NPAS3: variants seen among roughly 807,000 people sequenced by gnomAD.
The protein encoded by NPAS3 is neuronal PAS domain protein 3, also known as neuronal PAS domain-containing protein 3.
A neutral mutation model predicts 73.1 loss-of-function variants in NPAS3; 14 were observed. That is an observed-to-expected ratio of 0.19 (90% CI 0.13 to 0.30). The LOEUF is 0.30. Among genes scored for constraint, NPAS3 ranks in the 10% least tolerant of loss-of-function variants. NPAS3 has a pLI of 1.00. For missense variants in NPAS3, 1,096 were observed against 1,250.0 expected, an observed-to-expected ratio of 0.88 and a Z score of 1.86; for synonymous variants, 620 against 541.5, an observed-to-expected ratio of 1.14 and a Z score of -2.01.
At chr14:33,088,786 C>A (rs191155386) in intron 2 of NPAS3, among the ~76,000 whole-genome samples, 2,680 of 152,292 alleles carry the variant, frequency 0.018, 46 homozygotes, top group South Asian at 0.068. Context: ...AGTAGGGGCA[C>A]ACTGACACCT....
At chr14:33,693,266 C>T (rs2060282832) in intron 6 of NPAS3, among the ~76,000 whole-genome samples, 1 of 152,148 alleles carries the variant, frequency 6.6e-6, no homozygotes. Context: ...TGAATTTTTA[C>T]ATGGAAATAA....
In NPAS3 at chr14:33,092,731, G is replaced by A. The variant is rs899136148; in HGVS notation, c.140+36737G>A. On this transcript the variant is annotated intron_variant, in intron 2 of 11. Transcript: ENST00000356141. ...TGACTTCAAACTATGCTACAAGGCT[G>A]CAGTAACCAAAACAGCATGGTACTG... 1.1e-4 allele frequency among the ~76,000 whole-genome samples: 17 copies of A among 152,198 alleles called. No individual in the cohort carries two copies. The South Asian group carries it at 1.9e-3, about 17-fold the overall frequency.
At chr14:33,656,710 T>G (rs2059155023) in intron 5 of NPAS3, among the ~76,000 whole-genome samples, 1 of 152,174 alleles carries the variant, frequency 6.6e-6, no homozygotes, top group Non-Finnish European at 1.5e-5. Context: ...TACCTTTCTT[T>G]GGTGGTGAGA....
At chr14:33,304,371 T>C (rs2042674459) in intron 3 of NPAS3, among the ~76,000 whole-genome samples, 3 of 152,198 alleles carry the variant, frequency 2.0e-5, no homozygotes, top group Non-Finnish European at 4.4e-5. Flanking sequence ...TTTTACAAAG[T>C]CAGCTTAATG....
At chr14:33,746,045 T>C (rs905084537) in intron 7 of NPAS3, among the ~76,000 whole-genome samples, 1 of 152,140 alleles carries the variant, frequency 6.6e-6, no homozygotes, top group Non-Finnish European at 1.5e-5. Context: ...GATTAGAGCA[T>C]CTATATCCCA....
intron 3 of NPAS3, among the ~76,000 whole-genome samples, chr14:33,312,630 A>G (rs1344826921): frequency 6.6e-6 from 1 of 152,038 alleles, no homozygotes; most frequent in African/African-American, 2.4e-5. Context: ...TCTTTAATGC[A>G]TATTATACTT....
chr14:33,350,797 C>T (rs1215216070), intron 3 of NPAS3, among the ~76,000 whole-genome samples: 3 of 152,212 alleles, frequency 2.0e-5, no homozygotes, highest in African/African-American at 7.2e-5. Context: ...CCAAAACATC[C>T]AAGTAATCCG....
chr14:33,353,792 T>G (rs1415862578), intron 3 of NPAS3, among the ~76,000 whole-genome samples: 1 of 152,180 alleles, frequency 6.6e-6, no homozygotes, highest in African/African-American at 2.4e-5. Flanking sequence ...ACTAGCAGAA[T>G]GGAGACTCAT....
At chr14:33,492,929 A>G (rs1465664344) in intron 4 of NPAS3, among the ~76,000 whole-genome samples, 1 of 152,110 alleles carries the variant, frequency 6.6e-6, no homozygotes, top group Non-Finnish European at 1.5e-5. Context: ...ACCTGTCACT[A>G]TATTTGTTAG....
chr14:33,268,820 T>C (rs951192997), intron 3 of NPAS3, among the ~76,000 whole-genome samples: 3 of 152,226 alleles, frequency 2.0e-5, no homozygotes, highest in Non-Finnish European at 2.9e-5. Context: ...GATGTTGATA[T>C]TCCCTATTGT....
At chr14:33,026,553 C>A (rs1379859071) in intron 1 of NPAS3, among the ~76,000 whole-genome samples, 1 of 150,344 alleles carries the variant, frequency 6.7e-6, no homozygotes, top group Non-Finnish European at 1.5e-5. Context: ...TTTTGTTCCT[C>A]TCTGTTCACT....
At chr14:33,484,812 A>G (rs868333990) in intron 4 of NPAS3, among the ~76,000 whole-genome samples, 3 of 152,290 alleles carry the variant, frequency 2.0e-5, no homozygotes, top group African/African-American at 7.2e-5. Flanking sequence ...AATAAAGTCC[A>G]GGGACTTTAA....
intron 5 of NPAS3, among the ~76,000 whole-genome samples, chr14:33,671,710 TC>T (rs2140316902): frequency 6.6e-6 from 1 of 152,362 alleles, no homozygotes; most frequent in African/African-American, 2.4e-5. Context: ...TAAGTTCTCT[TC>T]CAGAGTCATT....
chr14:33,688,090 C>G (rs1291021191), intron 6 of NPAS3, among the ~76,000 whole-genome samples: 1 of 152,024 alleles, frequency 6.6e-6, no homozygotes, highest in Non-Finnish European at 1.5e-5. Context: ...TTTTCCAACT[C>G]TAATTTTAGG....
intron 1 of NPAS3, among the ~76,000 whole-genome samples, chr14:33,027,016 G>A (rs545077166): frequency 7.2e-5 from 11 of 152,262 alleles, no homozygotes; most frequent in African/African-American, 2.4e-4. Flanking sequence ...GGTGTTAGAT[G>A]TGATGTGCTT....
At chr14:33,326,049 T>C (rs187427859) in intron 3 of NPAS3, among the ~76,000 whole-genome samples, 1 of 151,452 alleles carries the variant, frequency 6.6e-6, no homozygotes, top group East Asian at 2.0e-4. Flanking sequence ...TTTTGTTTTT[T>C]AGAATTTGCT....
chr14:32,943,678 A>C (rs1246382082), intron 1 of NPAS3, among the ~76,000 whole-genome samples: 1 of 133,820 alleles, frequency 7.5e-6, no homozygotes, highest in African/African-American at 2.8e-5. Flanking sequence ...TTGTTTCTTT[A>C]TTTCTTTTCT....
intron 4 of NPAS3, among the ~76,000 whole-genome samples, chr14:33,399,004 T>C (rs551744227): frequency 2.0e-5 from 3 of 152,224 alleles, no homozygotes; most frequent in Non-Finnish European, 2.9e-5. Context: ...GGTTAGACCA[T>C]TTATTTATGA....
downstream of NPAS3, chr14:33,802,526 T>G (rs2063741840): frequency 6.6e-6 from 1 of 152,254 alleles, no homozygotes; most frequent in South Asian, 2.1e-4. Context: ...AGCTGTTTGT[T>G]AAGGCATCTA....
Sources: allele counts gnomAD v4.1 joint callset (sites outside exome capture counted in the v4.1 genomes callset), GRCh38; gene constraint gnomAD v4.1.1; transcripts MANE v1.5; gene names NCBI Gene and HGNC (gene_info 2026-07-23, HGNC 2026-07-21).